AOX1: variants seen among roughly 807,000 people sequenced by gnomAD.
The protein encoded by AOX1 is aldehyde oxidase.
A neutral mutation model predicts 169.5 loss-of-function variants in AOX1; 153 were observed. That is an observed-to-expected ratio of 0.90 (90% CI 0.79 to 1.03). The LOEUF (loss-of-function observed/expected upper bound fraction) is 1.03. Among genes scored for constraint, AOX1 ranks in the 50% least tolerant of loss-of-function variants. AOX1 has a pLI of 0.00. For synonymous variants in AOX1, 562 were observed against 581.9 expected (o/e 0.97, Z 0.49); for missense variants, 1,656 against 1,663.9 (o/e 1.00, Z 0.08).
chr2:200,640,806 G>A (rs576297794), intron 23 of AOX1, among the ~76,000 whole-genome samples: 2 of 152,186 alleles, frequency 1.3e-5, no homozygotes, highest in Non-Finnish European at 2.9e-5. Context: ...GAGGAAAGGT[G>A]ATATGAATAC....
intron 1 of AOX1, among the ~76,000 whole-genome samples, chr2:200,588,859 G>A (rs1247682994): frequency 6.6e-6 from 1 of 150,418 alleles, no homozygotes; most frequent in Admixed American, 6.7e-5. Flanking sequence ...TCACTATGTT[G>A]GCCAAGCTGG....
intron 24 of AOX1, among the ~76,000 whole-genome samples, chr2:200,641,915 G>C (rs1574946139): frequency 6.6e-6 from 1 of 152,056 alleles, no homozygotes; most frequent in Non-Finnish European, 1.5e-5. Flanking sequence ...GGCTGAGGTG[G>C]GTGGATCACT....
intron 31 of AOX1, among the ~76,000 whole-genome samples, chr2:200,664,457 A>C (rs1043991000): frequency 6.6e-6 from 1 of 152,224 alleles, no homozygotes; most frequent in Non-Finnish European, 1.5e-5. Context: ...CTTCTCCCTC[A>C]AAGCAAAAGT....
rs754168078 is a variant in AOX1, at chr2:200,671,432, G to A, written c.*753G>A. 1 of 152,144 alleles carries A rather than the reference G, an allele frequency of 6.6e-6. No homozygotes were observed. Among genetic ancestry groups the A allele is most frequent in the Non-Finnish European group, 1.5e-5 (1 of 68,038 alleles). 9.4% of individuals were successfully genotyped at this position (152,144 alleles called of 1,614,324 possible). A position where few individuals can be genotyped will look rare whatever the true frequency, so the allele number is the denominator to read the frequency against. The stretch of plus-strand genomic sequence containing the variant: ...CTCTGACTTGATCATTTAACATTCT[G>A]TGTATGTAACAAAATATCACATGCA... On this transcript the variant is annotated 3_prime_UTR_variant, in exon 35 of 35. Coordinates refer to ENST00000374700, the MANE Select transcript of AOX1 (RefSeq NM_001159.4).
At chr2:200,663,568 ACACACT>A (rs1383051393) in intron 31 of AOX1, among the ~76,000 whole-genome samples, 1 of 123,510 alleles carries the variant, frequency 8.1e-6, no homozygotes, top group African/African-American at 3.0e-5. Context: ...ACACACACAC[ACACACT>A]CTCTCTCTCT....
At chr2:200,591,875 A>G (rs1441097881) in intron 1 of AOX1, among the ~76,000 whole-genome samples, 2 of 152,094 alleles carry the variant, frequency 1.3e-5, no homozygotes, top group African/African-American at 4.8e-5. Context: ...AATAGGTGAT[A>G]TGGGCTCATG....
At chr2:200,670,449 A>G (rs1056083808) in intron 34 of AOX1, among the ~76,000 whole-genome samples, 180 bp from the exon 35 acceptor site, 2 of 151,958 alleles carry the variant, frequency 1.3e-5, no homozygotes, top group African/African-American at 4.8e-5. Flanking sequence ...TGAGATGATA[A>G]CCCCAGGACC....
rs141229132 is a variant in AOX1, at chr2:200,669,160, T to C, written c.3798+357T>C. On this transcript the variant is annotated intron_variant, in intron 33 of 34. Coordinates refer to ENST00000374700, the MANE Select transcript of AOX1 (RefSeq NM_001159.4). ...TACTTTTTGAAACAAAAAATTTATA[T>C]AGGCCGGGCGCAGTGGCTCATGCCT... Among the ~76,000 whole-genome samples, 1,383 of 152,326 alleles carry C rather than the reference T, an allele frequency of 9.1e-3. 22 individuals carry two copies. The highest frequency in any genetic ancestry group is 0.012 in the Non-Finnish European group (807 of 68,030).
At chr2:200,593,298 A>C in intron 2 of AOX1, 95 bp downstream of exon 2, 1 of 997,332 alleles carries the variant, frequency 1.0e-6, no homozygotes, top group Non-Finnish European at 1.6e-6. Context: ...CATTAGAGAC[A>C]CTGAGACATA....
Position 200,636,964 on chromosome 2 carries a change from A to T in AOX1, c.2400A>T (p.Val800=). ...CAGCTAACAAGGTCATGTGCCATGT[A>T]AGGCGTGTTGGTGGAGCGTTTGGAG... ...KLPANKVMCH[V]RRVGGAFGGK... Residue 800 remains valine (V), a synonymous_variant, in exon 22 of 35, where the codon GTA becomes GTT. Transcript: ENST00000374700. The T allele has an allele frequency of 6.2e-7, 1 of 1,614,118 alleles. No individual in the cohort carries two copies. The highest frequency in any genetic ancestry group is 1.3e-5 in the African/African-American group (1 of 75,044).
chr2:200,627,219 A>G (rs532306240), intron 19 of AOX1, 134 bp from the exon 20 acceptor site: 12 of 646,098 alleles, frequency 1.9e-5, no homozygotes, highest in Non-Finnish European at 3.0e-5. Context: ...CACCAGGGTC[A>G]TGGTGAAAGT....
chr2:200,590,909 G>A (rs568327126), intron 1 of AOX1, among the ~76,000 whole-genome samples: 7 of 152,154 alleles, frequency 4.6e-5, no homozygotes, highest in African/African-American at 1.7e-4. Context: ...GTTGCCTCAT[G>A]GTCTAAGATA....
At chr2:200,653,523 TTC>T (rs1420471934) in intron 26 of AOX1, among the ~76,000 whole-genome samples, 2 of 152,174 alleles carry the variant, frequency 1.3e-5, no homozygotes, top group Non-Finnish European at 2.9e-5. Flanking sequence ...CTCATAGGGA[TTC>T]TCTCTGTTGC....
Position 200,612,593 on chromosome 2 carries a change from T to C in AOX1, c.1264-16T>C. 1 of 1,611,638 alleles carries C rather than the reference T, an allele frequency of 6.2e-7. No homozygotes were observed. Among genetic ancestry groups the C allele is most frequent in the Non-Finnish European group, 8.5e-7 (1 of 1,179,068 alleles). On this transcript the variant is annotated splice_polypyrimidine_tract_variant and intron_variant, in intron 13 of 34. Coordinates refer to ENST00000374700, the MANE Select transcript of AOX1 (RefSeq NM_001159.4). ...GCTCAGTGTTTCTACATGTGCCACT[T>C]AACTGTTTCTTTCAGTGGGAATTTG...
intron 1 of AOX1, among the ~76,000 whole-genome samples, chr2:200,589,383 G>C (rs61353748): frequency 7.2e-5 from 11 of 152,140 alleles, no homozygotes; most frequent in Non-Finnish European, 1.0e-4. Flanking sequence ...AGGAAATGAA[G>C]CATGTCATTT....
chr2:200,646,462 T>G (rs1180233918), intron 25 of AOX1, among the ~76,000 whole-genome samples: 1 of 152,150 alleles, frequency 6.6e-6, no homozygotes, highest in African/African-American at 2.4e-5. Context: ...TGTATTGAGC[T>G]TGTTTTATGG....
At chr2:200,640,188 C>T (rs1220426146) in intron 23 of AOX1, among the ~76,000 whole-genome samples, 1 of 152,018 alleles carries the variant, frequency 6.6e-6, no homozygotes, top group African/African-American at 2.4e-5. Context: ...AGAGCACTTC[C>T]TGGAAGGTAG....
Position 200,607,110 on chromosome 2 carries a change from C to T in AOX1, c.907+1482C>T, listed in dbSNP as rs191427796. Among the ~76,000 whole-genome samples the T allele has an allele frequency of 1.8e-4, 28 of 152,222 alleles. No homozygotes were observed. The East Asian group carries it at 5.0e-3, about 27-fold the overall frequency. On this transcript the variant is annotated intron_variant, in intron 10 of 34. Transcript: ENST00000374700. ...TTTTGCCCATTCAGTATGATATTGG[C>T]TATAGGTTTGTCACAAATAGCTCTT...
chr2:200,666,677 T>C lies in AOX1; in HGVS notation c.3544-10T>C. The stretch of plus-strand genomic sequence containing the variant: ...TTAAAATAAACATTTTAACTTTTTT[T>C]TAATACTAGAACATCAGAACAGACA... On this transcript the variant is annotated splice_polypyrimidine_tract_variant and intron_variant, in intron 31 of 34. Coordinates refer to ENST00000374700, the MANE Select transcript of AOX1 (RefSeq NM_001159.4). The C allele has an allele frequency of 6.3e-7, 1 of 1,588,254 alleles. No homozygotes were observed. The highest frequency in any genetic ancestry group is 8.5e-7 in the Non-Finnish European group (1 of 1,170,018).
Sources: gnomAD v4.1 joint callset for allele counts (sites outside exome capture counted in the v4.1 genomes callset) on GRCh38, gnomAD v4.1.1 for gene constraint, MANE v1.5 for transcripts, NCBI Gene and HGNC (gene_info 2026-07-23, HGNC 2026-07-21) for gene names.